The following TTC7A variants were observed in gnomAD, a reference collection of about 807,000 sequenced individuals.
TTC7A encodes the protein tetratricopeptide repeat protein 7A.
Under a neutral mutation model 103.7 loss-of-function variants are expected in TTC7A, and 110 were observed. The observed-to-expected ratio is 1.06, with a 90% confidence interval of 0.91 to 1.24. TTC7A has a LOEUF of 1.24. Ranked by LOEUF, TTC7A falls within the 50% of genes most tolerant of loss-of-function variation. The pLI is 0.00. For missense variants in TTC7A, 1,340 were observed against 1,116.3 expected, an observed-to-expected ratio of 1.20 and a Z score of -2.86; for synonymous variants, 521 against 467.9, an observed-to-expected ratio of 1.11 and a Z score of -1.47.
At position 47,073,808 on chromosome 2, in the gene TTC7A, A is replaced by C. The variant is rs1338592596; in HGVS notation, c.2462A>C (p.Glu821Ala). ...TCHEAWQGLG[E>A]VLQAQGQNEA... ...CACGAGGCGTGGCAGGGCCTGGGCG[A>C]GGTGCTGCAGGCCCAGGGCCAGAAC... The change falls in exon 20 of 20, where the codon GAG becomes GCG. Residue 821 changes from glutamate (E) to alanine (A), a missense_variant. Coordinates refer to ENST00000319190, the MANE Select transcript of TTC7A (RefSeq NM_020458.4). 1.2e-6 allele frequency: 2 copies of C among 1,613,630 alleles called. No homozygotes were observed. The highest frequency in any genetic ancestry group is 1.7e-5 in the Admixed American group (1 of 60,014).
rs149602485 is a variant in TTC7A at position 47,050,043 on chromosome 2, T to C, written c.2014T>C (p.Ser672Pro). Reference protein sequence around the residue: ...LTLPDAHDADSGSRRASSIAA... With the variant: ...LTLPDAHDADPGSRRASSIAA... ...TTTGCCTGATGCCCATGATGCAGAC[T>C]CTGGTAAGAACGAGCTCCTTGGGCC... Residue 672 changes from serine to proline, a missense_variant, in exon 17 of 20, where the codon TCT (serine) becomes CCT (proline). Physicochemically the swap from Ser to Pro is moderately conservative, Grantham distance 74. Coordinates refer to ENST00000319190, the MANE Select transcript of TTC7A (RefSeq NM_020458.4). 3.0e-3 allele frequency: 4,763 copies of C among 1,613,556 alleles called. 11 individuals carry two copies. Among genetic ancestry groups the C allele is most frequent in the Non-Finnish European group, 3.5e-3 (4,071 of 1,179,566 alleles).
intron 3 of TTC7A, among the ~76,000 whole-genome samples, chr2:46,968,680 C>T (rs901984483): frequency 2.0e-5 from 3 of 152,186 alleles, no homozygotes; most frequent in Admixed American, 1.3e-4. Flanking sequence ...ATGTACCCCT[C>T]TACTTTGAAC....
At chr2:46,955,961 T>G (rs1003852710) in intron 2 of TTC7A, among the ~76,000 whole-genome samples, 1 of 152,056 alleles carries the variant, frequency 6.6e-6, no homozygotes, top group Non-Finnish European at 1.5e-5. Flanking sequence ...CCAGAGCAAA[T>G]GGCCTGCAGA....
At chr2:46,916,762 G>A (rs879732212) in intron 1 of TTC7A, among the ~76,000 whole-genome samples, 9 of 152,042 alleles carry the variant, frequency 5.9e-5, no homozygotes, top group Admixed American at 3.9e-4. Context: ...AGCCTCCCGA[G>A]TAGCTGGGAT....
chr2:46,990,294 C>G (rs1258373378), intron 5 of TTC7A, among the ~76,000 whole-genome samples: 1 of 152,212 alleles, frequency 6.6e-6, no homozygotes, highest in East Asian at 1.9e-4. Context: ...TGGCCTGTGG[C>G]CTGCTCTCCA....
intron 11 of TTC7A, among the ~76,000 whole-genome samples, chr2:47,013,390 T>C (rs376409628): frequency 2.6e-5 from 4 of 152,152 alleles, no homozygotes; most frequent in Non-Finnish European, 2.9e-5. Context: ...GGTGGAGATA[T>C]GAGCCAGAGT....
intron 11 of TTC7A, among the ~76,000 whole-genome samples, chr2:47,020,194 A>G (rs1679124721): frequency 6.6e-6 from 1 of 152,174 alleles, no homozygotes; most frequent in South Asian, 2.1e-4. Flanking sequence ...CATTTTGCAG[A>G]TGAGGACCTT....
In TTC7A at chr2:47,066,557, C is replaced by G. The variant is rs960496372; in HGVS notation, c.2355+5586C>G. The stretch of plus-strand genomic sequence containing the variant: ...CCCCCTCCGCCTGCTGGCTGGCCCT[C>G]TCCCCCATCATGGAGGGTTGGACCA... On this transcript the variant is annotated intron_variant, in intron 19 of 19. Transcript: ENST00000319190. 2.6e-5 allele frequency among the ~76,000 whole-genome samples: 4 copies of G among 152,310 alleles called. No homozygotes were observed. In the East Asian group the frequency reaches 5.8e-4, roughly 22 times the overall value.
intron 5 of TTC7A, among the ~76,000 whole-genome samples, chr2:46,988,427 T>C (rs932868717): frequency 1.3e-5 from 2 of 152,276 alleles, no homozygotes; most frequent in Non-Finnish European, 2.9e-5. Context: ...GCCAACTAGC[T>C]ATGCTCTTCT....
chr2:47,061,319 C>G (rs1454394053), intron 19 of TTC7A, among the ~76,000 whole-genome samples: 1 of 152,160 alleles, frequency 6.6e-6, no homozygotes, highest in African/African-American at 2.4e-5. Flanking sequence ...AGACCCTTGC[C>G]CTGAAGGCTA....
Position 47,006,078 on chromosome 2 carries a change from C to T in TTC7A, c.1203+19C>T. On this transcript the variant is annotated intron_variant, in intron 9 of 19. Transcript: ENST00000319190. ...CTCGGAGGTACGGCCGGCCATGCAG[C>T]CCACCCCACTCTCCGGAGTCAGGTG... The T allele has an allele frequency of 6.2e-7, 1 of 1,609,356 alleles. No homozygotes were observed. The highest frequency in any genetic ancestry group is 8.5e-7 in the Non-Finnish European group (1 of 1,177,632).
chr2:46,978,946 C>T (rs1361113146), intron 5 of TTC7A, 39 bp downstream of exon 5: 2 of 1,478,492 alleles, frequency 1.4e-6, no homozygotes. Flanking sequence ...AGAACGATTC[C>T]CCTGGGCTGA....
At chr2:46,994,566 G>T in intron 7 of TTC7A, 52 bp downstream of exon 7, 2 of 1,586,192 alleles carry the variant, frequency 1.3e-6, no homozygotes, top group African/African-American at 1.3e-5. Flanking sequence ...CTCACGCAGG[G>T]TTCTGTCCCC....
At chr2:47,023,307 G>A (rs1049248570) in intron 12 of TTC7A, 101 bp from the exon 13 acceptor site, 52 of 1,267,836 alleles carry the variant, frequency 4.1e-5, no homozygotes, top group South Asian at 1.0e-4. Context: ...ACCCTGGTGG[G>A]GCCTTTATCT....
intron 11 of TTC7A, among the ~76,000 whole-genome samples, chr2:47,012,783 AG>A (rs1273342211): frequency 1.3e-5 from 2 of 152,084 alleles, no homozygotes; most frequent in Non-Finnish European, 2.9e-5. Context: ...AAGCACAAAG[AG>A]GCTGGGTGAA....
intron 2 of TTC7A, chr2:46,956,525 T>G: frequency 9.0e-5 from 28 of 312,704 alleles, no homozygotes; most frequent in Middle Eastern, 1.0e-3. Flanking sequence ...GCTGCAGTCT[T>G]TGGGGGGATT....
chr2:47,051,001 C>G (rs1381815602), intron 17 of TTC7A, among the ~76,000 whole-genome samples: 1 of 152,156 alleles, frequency 6.6e-6, no homozygotes, highest in Non-Finnish European at 1.5e-5. Context: ...ATGTCAACAG[C>G]TTATATGTCC....
At chr2:46,983,019 G>C (rs1674631052) in intron 5 of TTC7A, among the ~76,000 whole-genome samples, 1 of 151,936 alleles carries the variant, frequency 6.6e-6, no homozygotes, top group Non-Finnish European at 1.5e-5. Context: ...GAAAAGAAAA[G>C]GAAAATCAAA....
intron 2 of TTC7A, among the ~76,000 whole-genome samples, chr2:46,931,485 T>A (rs868158830): frequency 6.6e-6 from 1 of 152,104 alleles, no homozygotes; most frequent in South Asian, 2.1e-4. Flanking sequence ...GAGCCCAATA[T>A]AATCACAAGA....
Sources: allele counts gnomAD v4.1 joint callset (sites outside exome capture counted in the v4.1 genomes callset), GRCh38; gene constraint gnomAD v4.1.1; transcripts MANE v1.5; gene names NCBI Gene and HGNC (gene_info 2026-07-23, HGNC 2026-07-21).